ROBO2: variants seen among roughly 807,000 people sequenced by gnomAD.
The protein encoded by ROBO2 is roundabout guidance receptor 2, also known as roundabout homolog 2.
Under a neutral mutation model 160.8 loss-of-function variants are expected in ROBO2, and 53 were observed. The ratio of observed to expected loss-of-function variants is 0.33; its 90% CI spans 0.26 to 0.41. The LOEUF (loss-of-function observed/expected upper bound fraction) is 0.41, where lower values mean the gene tolerates loss of function less well. ROBO2 is among the 10% of genes least tolerant of loss of function. The pLI, the probability that ROBO2 is intolerant of heterozygous loss-of-function variation, is 1.00. For synonymous variants in ROBO2, 664 were observed against 611.7 expected (o/e 1.09, Z -1.26); for missense variants, 1,577 against 1,722.4 (o/e 0.92, Z 1.49).
rs1417755703 is a variant in ROBO2, at chr3:76,713,208, T to C, written c.110-384806T>C. On this transcript the variant is annotated intron_variant, in intron 2 of 26. Coordinates refer to the ROBO2 transcript ENST00000487694. Reference sequence around the variant, plus strand: ...CAAGAAGAAAATCTTCCAGGCAAATTTGACTTCTTAATTGAGAATTTCAAA... The same window carrying C: ...CAAGAAGAAAATCTTCCAGGCAAATCTGACTTCTTAATTGAGAATTTCAAA... 2.0e-5 allele frequency among the ~76,000 whole-genome samples: 3 copies of C among 152,310 alleles called. No individual in the cohort carries two copies. The East Asian group carries it at 5.8e-4, about 29-fold the overall frequency.
At position 77,502,376 on chromosome 3, in the gene ROBO2, T is replaced by A. The variant is rs572788990; in HGVS notation, c.806+8994T>A. 5.3e-5 allele frequency among the ~76,000 whole-genome samples: 8 copies of A among 152,354 alleles called. No homozygotes were observed. The East Asian group carries it at 1.5e-3, about 29-fold the overall frequency. On this transcript the variant is annotated intron_variant, in intron 5 of 25. Coordinates refer to ENST00000461745, the Ensembl canonical transcript of ROBO2. ...AAGGACACTTATTTCCCATAATATA[T>A]GTTTATTATGTCAAATAAAGAAGTT...
At chr3:77,261,650 G>T (rs545731771) in intron 2 of ROBO2, among the ~76,000 whole-genome samples, 12 of 152,264 alleles carry the variant, frequency 7.9e-5, no homozygotes, top group Non-Finnish European at 1.6e-4. Flanking sequence ...CATGTGTGCA[G>T]GAGGTGAGGG....
chr3:76,164,147 C>A (rs2072740532), intron 2 of ROBO2, among the ~76,000 whole-genome samples: 1 of 152,162 alleles, frequency 6.6e-6, no homozygotes, highest in African/African-American at 2.4e-5. Context: ...CTTTGCTCAT[C>A]CATAAGAGAC....
chr3:76,291,648 G>A (rs1708809488), intron 2 of ROBO2, among the ~76,000 whole-genome samples: 1 of 151,838 alleles, frequency 6.6e-6, no homozygotes, highest in African/African-American at 2.4e-5. Flanking sequence ...TCTTATTTTC[G>A]GTGTAAGTGT....
chr3:75,996,434 C>G (rs142811246), intron 2 of ROBO2, among the ~76,000 whole-genome samples: 42 of 152,252 alleles, frequency 2.8e-4, no homozygotes, highest in African/African-American at 9.6e-4. Context: ...ATTCGTGTGG[C>G]CTCCCCAGCC....
At chr3:76,288,522 A>G (rs1267451935) in intron 2 of ROBO2, among the ~76,000 whole-genome samples, 1 of 151,878 alleles carries the variant, frequency 6.6e-6, no homozygotes, top group African/African-American at 2.4e-5. Flanking sequence ...TTCAGGGGAT[A>G]CATGTGCAGG....
chr3:77,614,422 G>T (rs1271446561), intron 21 of ROBO2, among the ~76,000 whole-genome samples: 2 of 152,096 alleles, frequency 1.3e-5, no homozygotes, highest in Non-Finnish European at 2.9e-5. Flanking sequence ...TTAAATGATG[G>T]TATTTTCTAG....
chr3:77,040,784 A>G lies in ROBO2; in HGVS notation c.-2A>G, dbSNP rs762087485. ...AATCTGGATCCTTTTTAATATGTCA[A>G]AATGAGTCTGCTGATGTTTACACAA... On this transcript the variant is annotated 5_prime_UTR_variant, in exon 1 of 26. Transcript: ENST00000461745. 7.4e-6 allele frequency: 12 copies of G among 1,613,940 alleles called. No homozygotes were observed. The South Asian group carries it at 1.1e-4, about 15-fold the overall frequency.
chr3:77,187,755 CTT>C (rs2081409654), intron 2 of ROBO2, among the ~76,000 whole-genome samples: 1 of 151,784 alleles, frequency 6.6e-6, no homozygotes, highest in Non-Finnish European at 1.5e-5. Context: ...AAAGTTCAGT[CTT>C]TTCAAGAATA....
chr3:75,933,635 G>C (rs1022192799), intron 1 of ROBO2, among the ~76,000 whole-genome samples: 1 of 152,038 alleles, frequency 6.6e-6, no homozygotes, highest in East Asian at 1.9e-4. Flanking sequence ...AGTTACAGAA[G>C]TGGACTTTAT....
At chr3:76,539,363 A>T (rs1163295090) in intron 2 of ROBO2, among the ~76,000 whole-genome samples, 2 of 118,128 alleles carry the variant, frequency 1.7e-5, no homozygotes, top group South Asian at 2.4e-4. Context: ...AAGTAAAATT[A>T]AAAAAAAAAA....
At chr3:76,786,497 T>C (rs1401004390) in intron 2 of ROBO2, among the ~76,000 whole-genome samples, 3 of 151,150 alleles carry the variant, frequency 2.0e-5, no homozygotes, top group African/African-American at 7.3e-5. Flanking sequence ...GGGGAGGTGC[T>C]ACATATTTTA....
chr3:76,705,854 A>G (rs531352617), intron 2 of ROBO2, among the ~76,000 whole-genome samples: 1 of 152,154 alleles, frequency 6.6e-6, no homozygotes, highest in Non-Finnish European at 1.5e-5. Context: ...GTGACCTGTG[A>G]TCTCAAAATG....
chr3:76,989,202 G>A (rs2060537059), intron 2 of ROBO2, among the ~76,000 whole-genome samples: 1 of 152,068 alleles, frequency 6.6e-6, no homozygotes, highest in African/African-American at 2.4e-5. Context: ...GACAGTAATA[G>A]GAAATATTTA....
Position 76,842,117 on chromosome 3 carries a change from T to G in ROBO2, c.110-255897T>G, listed in dbSNP as rs139945361. Among the ~76,000 whole-genome samples the G allele has an allele frequency of 1.3e-3, 201 of 152,280 alleles. No individual in the cohort carries two copies. In the Middle Eastern group the frequency reaches 0.014, roughly 10 times the overall value. On this transcript the variant is annotated intron_variant, in intron 2 of 26. Transcript: ENST00000487694. ...AATCGTGTTGTTATATGTGGCTAAATAGAATCAATGACACGATGGAAAACA... is the reference window on the plus strand; with the variant it reads ...AATCGTGTTGTTATATGTGGCTAAAGAGAATCAATGACACGATGGAAAACA...
intron 2 of ROBO2, among the ~76,000 whole-genome samples, chr3:76,100,402 C>G (rs978877300): frequency 1.3e-5 from 2 of 152,200 alleles, no homozygotes; most frequent in African/African-American, 2.4e-5. Context: ...CTGCTCTCTG[C>G]AACTTCAAGA....
At chr3:76,252,574 A>G (rs916473289) in intron 2 of ROBO2, among the ~76,000 whole-genome samples, 52 of 151,924 alleles carry the variant, frequency 3.4e-4, no homozygotes, top group African/African-American at 1.2e-3. Flanking sequence ...ACACACACAT[A>G]TATATGGCTG....
chr3:77,398,195 T>C (rs1157587258), intron 2 of ROBO2, among the ~76,000 whole-genome samples: 3 of 152,088 alleles, frequency 2.0e-5, no homozygotes, highest in Non-Finnish European at 4.4e-5. Flanking sequence ...ATCTAAGTCT[T>C]TTGTAAACTC....
At chr3:76,696,789 T>G (rs574655926) in intron 2 of ROBO2, among the ~76,000 whole-genome samples, 6 of 152,302 alleles carry the variant, frequency 3.9e-5, no homozygotes, top group Admixed American at 1.3e-4. Context: ...GCTTGCCGAT[T>G]TCCACTTTGC....
Sources: allele counts gnomAD v4.1 joint callset (sites outside exome capture counted in the v4.1 genomes callset), GRCh38; gene constraint gnomAD v4.1.1; transcripts MANE v1.5; gene names NCBI Gene and HGNC (gene_info 2026-07-23, HGNC 2026-07-21).